Variants in CPVL observed in about 807,000 individuals in gnomAD.
CPVL encodes probable serine carboxypeptidase CPVL.
In CPVL, 51 loss-of-function variants were observed where a neutral mutation model predicts 63.7. The observed-to-expected ratio is 0.80, with a 90% CI of 0.64 to 1.01. CPVL has a LOEUF of 1.01. CPVL is among the 50% of genes least tolerant of loss of function. The pLI is 0.00. For synonymous variants in CPVL, 195 were observed against 206.0 expected (o/e 0.95, Z 0.46); for missense variants, 530 against 573.1 (o/e 0.92, Z 0.77).
intron 12 of CPVL, among the ~76,000 whole-genome samples, chr7:29,018,806 G>C (rs1481708173): frequency 6.6e-6 from 1 of 152,156 alleles, no homozygotes; most frequent in Non-Finnish European, 1.5e-5. Context: ...TTGATATTTG[G>C]AGAAAGGCAC....
At chr7:29,164,800 A>C (rs1260930974) in intron 5 of CPVL, among the ~76,000 whole-genome samples, 3 of 150,538 alleles carry the variant, frequency 2.0e-5, no homozygotes, top group African/African-American at 4.9e-5. Context: ...AAAAAAAAAA[A>C]ACAAAGATTA....
chr7:29,086,252 A>G (rs748322543), intron 7 of CPVL, among the ~76,000 whole-genome samples: 1 of 152,058 alleles, frequency 6.6e-6, no homozygotes, highest in Non-Finnish European at 1.5e-5. Context: ...AGATCACGCC[A>G]CTGCACTCCA....
chr7:29,135,719 G>A (rs759942762), intron 1 of CPVL, among the ~76,000 whole-genome samples: 3 of 151,878 alleles, frequency 2.0e-5, no homozygotes, highest in Admixed American at 2.0e-4. Flanking sequence ...TACAGATAGG[G>A]TCTCACTCTG....
chr7:29,103,047 G>A (rs323199), intron 3 of CPVL, among the ~76,000 whole-genome samples: 77,920 of 151,476 alleles, frequency 0.51, 20,991 homozygotes, highest in African/African-American at 0.68. Flanking sequence ...TTTGCCCTGA[G>A]TCTTCCTTTC....
chr7:29,149,189 C>CCTT (rs1554348023), upstream of CPVL, among the ~76,000 whole-genome samples: 2 of 100,340 alleles, frequency 2.0e-5, no homozygotes, highest in Non-Finnish European at 3.7e-5. Flanking sequence ...GTCTGTTTCC[C>CCTT]TTTTTTTTTT....
At chr7:29,112,950 A>G (rs1788402367) in intron 2 of CPVL, 128 bp from the exon 3 acceptor site, 1 of 638,928 alleles carries the variant, frequency 1.6e-6, no homozygotes. Context: ...TATGACAGGT[A>G]GTTCCTTCAG....
intron 12 of CPVL, among the ~76,000 whole-genome samples, chr7:29,003,524 C>T (rs555455699): frequency 4.6e-5 from 7 of 152,250 alleles, no homozygotes; most frequent in Middle Eastern, 3.4e-3. Context: ...CATGAAAATG[C>T]AGAGGAGAAT....
chr7:29,040,575 G>C (rs1031537528), intron 11 of CPVL, among the ~76,000 whole-genome samples: 2 of 152,156 alleles, frequency 1.3e-5, no homozygotes, highest in East Asian at 1.9e-4. Flanking sequence ...TGAAACAGTA[G>C]TCATTTCTGC....
chr7:28,995,016 T>TAACA (rs144506306), downstream of CPVL, among the ~76,000 whole-genome samples: 14,574 of 152,222 alleles, frequency 0.096, 761 homozygotes, highest in Middle Eastern at 0.13. Flanking sequence ...TTTGATATTC[T>TAACA]AACAATGATA....
chr7:28,999,982 A>G (rs184371), intron 12 of CPVL, among the ~76,000 whole-genome samples: 129,945 of 152,068 alleles, frequency 0.85, 56,196 homozygotes, highest in African/African-American at 0.96. Flanking sequence ...AAAATGTGTC[A>G]GGGCTGTAAT....
chr7:29,124,936 T>C (rs1686653178), intron 1 of CPVL: 1 of 152,136 alleles, frequency 6.6e-6, no homozygotes, highest in South Asian at 2.1e-4. Flanking sequence ...ACCTCTTCTG[T>C]TTCCTAGGAA....
intron 12 of CPVL, among the ~76,000 whole-genome samples, chr7:29,001,725 C>G (rs1784658297): frequency 6.6e-6 from 1 of 152,142 alleles, no homozygotes. Context: ...AAAGGAGCTT[C>G]TAGGTGCTTC....
chr7:29,088,614 T>C (rs1785444785), intron 6 of CPVL, among the ~76,000 whole-genome samples: 1 of 152,194 alleles, frequency 6.6e-6, no homozygotes. Flanking sequence ...TATTACATGG[T>C]GAGCATTTTC....
At chr7:29,127,121 A>G (rs1296175023) in intron 1 of CPVL, among the ~76,000 whole-genome samples, 1 of 152,228 alleles carries the variant, frequency 6.6e-6, no homozygotes, top group African/African-American at 2.4e-5. Flanking sequence ...GGAGAGAATG[A>G]GAAAAATCAG....
chr7:29,111,364 CAG>C (rs1400857813), intron 3 of CPVL, among the ~76,000 whole-genome samples: 2 of 152,222 alleles, frequency 1.3e-5, no homozygotes, highest in Non-Finnish European at 2.9e-5. Flanking sequence ...ACCTGGCTCC[CAG>C]TTGGGCTCTA....
chr7:29,109,577 G>A (rs1562773591), intron 3 of CPVL, among the ~76,000 whole-genome samples: 1 of 152,142 alleles, frequency 6.6e-6, no homozygotes, highest in Non-Finnish European at 1.5e-5. Flanking sequence ...TCAGATATCT[G>A]GCTCTGCATG....
chr7:29,192,999 C>T, intron 1 of CPVL: 1 of 152,188 alleles, frequency 6.6e-6, no homozygotes, highest in Non-Finnish European at 1.5e-5. Flanking sequence ...GGTCACGTGT[C>T]CCTGAAGGCT....
chr7:29,159,358 G>C (rs1794866542), intron 5 of CPVL, among the ~76,000 whole-genome samples: 1 of 152,172 alleles, frequency 6.6e-6, no homozygotes. Flanking sequence ...TGGCATCACA[G>C]AGCCTTCATG....
intron 1 of CPVL, among the ~76,000 whole-genome samples, chr7:29,188,522 CCTT>C (rs1280599522): frequency 1.3e-5 from 2 of 151,758 alleles, no homozygotes; most frequent in Non-Finnish European, 2.9e-5. Context: ...CATTTACTCT[CCTT>C]TTTTTATTTT....
Sources: gnomAD v4.1 joint callset for allele counts (sites outside exome capture counted in the v4.1 genomes callset) on GRCh38, gnomAD v4.1.1 for gene constraint, MANE v1.5 for transcripts, NCBI Gene and HGNC (gene_info 2026-07-23, HGNC 2026-07-21) for gene names.